Variants in INVS observed in about 807,000 individuals in gnomAD.
INVS encodes the protein inversin.
In INVS, 86 loss-of-function variants were observed where a neutral mutation model predicts 108.8. The observed-to-expected ratio is 0.79, with a 90% CI of 0.66 to 0.95. The LOEUF is 0.95. Ranked by LOEUF, INVS falls within the 40% of genes least tolerant of loss-of-function variation. The probability of loss-of-function intolerance (pLI) is 0.00; values close to 1 mark genes in which losing one functional copy is unlikely to be tolerated. For synonymous variants in INVS, 455 were observed against 473.5 expected (o/e 0.96, Z 0.51); for missense variants, 1,169 against 1,297.4 (o/e 0.90, Z 1.52).
intron 5 of INVS, among the ~76,000 whole-genome samples, chr9:100,238,768 T>G (rs915083963): frequency 3.3e-5 from 5 of 152,248 alleles, no homozygotes; most frequent in African/African-American, 1.2e-4. Flanking sequence ...ATGACATTTT[T>G]CACTTCTAAA....
intron 16 of INVS, 152 bp downstream of exon 16, chr9:100,298,162 T>G: frequency 6.5e-7 from 1 of 1,538,992 alleles, no homozygotes; most frequent in Non-Finnish European, 8.7e-7. Context: ...GTAGCCAACA[T>G]CTGTCTCCCT....
At chr9:100,296,846 G>C (rs1265242978) in intron 14 of INVS, 71 bp from the exon 15 acceptor site, 1 of 1,235,306 alleles carries the variant, frequency 8.1e-7, no homozygotes, top group Non-Finnish European at 1.2e-6. Flanking sequence ...ATAGCTTCTA[G>C]AAACCTTAAG....
intron 7 of INVS, among the ~76,000 whole-genome samples, chr9:100,246,050 G>A (rs1832035954): frequency 6.6e-6 from 1 of 151,886 alleles, no homozygotes; most frequent in Admixed American, 6.6e-5. Context: ...CTACTTGGGA[G>A]GCTGAGGCAG....
chr9:100,131,673 T>A (rs781104606), intron 3 of INVS, among the ~76,000 whole-genome samples: 6 of 152,186 alleles, frequency 3.9e-5, no homozygotes, highest in Non-Finnish European at 8.8e-5. Flanking sequence ...TATTAGTATA[T>A]GTTAATAGTT....
intron 1 of INVS, among the ~76,000 whole-genome samples, chr9:100,103,907 A>G (rs1827090834): frequency 6.6e-6 from 1 of 152,022 alleles, no homozygotes; most frequent in Non-Finnish European, 1.5e-5. Context: ...CTGACTTCAC[A>G]ATTGAGTTTA....
chr9:100,299,541 TTTTA>T (rs1833888803), intron 16 of INVS, among the ~76,000 whole-genome samples: 1 of 142,518 alleles, frequency 7.0e-6, no homozygotes, highest in African/African-American at 2.8e-5. Context: ...CAGCAGAGCC[TTTTA>T]TTGACACACA....
At chr9:100,173,914 C>G (rs954952409) in intron 3 of INVS, among the ~76,000 whole-genome samples, 1 of 152,232 alleles carries the variant, frequency 6.6e-6, no homozygotes, top group Non-Finnish European at 1.5e-5. Context: ...TAGCTGCTGC[C>G]TGCCTATGCA....
At chr9:100,244,606 G>T (rs1831985544) in intron 7 of INVS, among the ~76,000 whole-genome samples, 1 of 151,942 alleles carries the variant, frequency 6.6e-6, no homozygotes, top group Non-Finnish European at 1.5e-5. Flanking sequence ...ATATTTTGTT[G>T]GATAATCTGC....
chr9:100,292,427 A>G lies in INVS; in HGVS notation c.2170A>G (p.Lys724Glu), dbSNP rs1376912986. The G allele has an allele frequency of 6.2e-7, 1 of 1,614,036 alleles. No individual in the cohort carries two copies. Among genetic ancestry groups the G allele is most frequent in the African/African-American group, 1.3e-5 (1 of 74,904 alleles). ...SRHPGVPSVEKSRGETAGDER... is the reference protein window; with the variant it reads ...SRHPGVPSVEESRGETAGDER... ...GCATCCAGGAGTTCCCTCTGTTGAG[A>G]AGTCCAGAGGTGAGACAGCTGGCGA... Residue 724 changes from lysine (K) to glutamate (E), a missense_variant, in exon 14 of 17, where the codon AAG becomes GAG. By Grantham distance (56) the Lys-to-Glu change is moderately conservative. This residue lies in a region of INVS where 533 missense variants were observed against 536.0 expected (regional missense o/e 0.99). Coordinates refer to ENST00000262457, the MANE Select transcript of INVS (RefSeq NM_014425.5).
chr9:100,110,242 A>C (rs539807604), intron 2 of INVS, among the ~76,000 whole-genome samples: 3 of 152,342 alleles, frequency 2.0e-5, no homozygotes, highest in African/African-American at 7.2e-5. Context: ...TTGTTTGGCA[A>C]CTCATTAACT....
chr9:100,129,749 G>A, intron 3 of INVS: 1 of 688,934 alleles, frequency 1.5e-6, no homozygotes, highest in Non-Finnish European at 2.7e-6. Flanking sequence ...CGTAAAGTGA[G>A]TACCACATTC....
In INVS at chr9:100,152,777, T is replaced by A. The variant is rs547827406; in HGVS notation, c.273+26228T>A. Among the ~76,000 whole-genome samples, 11 of 152,310 alleles carry A rather than the reference T, an allele frequency of 7.2e-5. No individual in the cohort carries two copies. In the South Asian group the frequency reaches 2.3e-3, roughly 32 times the overall value. ...AATATAACTACTCATTTTCAGGCAA[T>A]TTATTAGACATATACTCATAGTTTA... On this transcript the variant is annotated intron_variant, in intron 3 of 16. Coordinates refer to ENST00000262457, the MANE Select transcript of INVS (RefSeq NM_014425.5).
chr9:100,267,019 TAAAAAAAAA>T (rs11415703), intron 11 of INVS, among the ~76,000 whole-genome samples: 1 of 93,124 alleles, frequency 1.1e-5, no homozygotes, highest in Non-Finnish European at 2.0e-5. Context: ...TTTGAAACTC[TAAAAAAAAA>T]AAAAAAAAAA....
At chr9:100,282,725 C>G (rs1391380480) in intron 12 of INVS, among the ~76,000 whole-genome samples, 2 of 152,170 alleles carry the variant, frequency 1.3e-5, no homozygotes, top group African/African-American at 4.8e-5. Context: ...AGAAGGCATG[C>G]TCATGTGTGA....
chr9:100,123,801 AGT>A (rs1827797852), intron 2 of INVS, among the ~76,000 whole-genome samples: 1 of 152,112 alleles, frequency 6.6e-6, no homozygotes, highest in Non-Finnish European at 1.5e-5. Context: ...TAACCATCCT[AGT>A]GTATGTGAAG....
At chr9:100,121,707 G>A (rs1184644738) in intron 2 of INVS, among the ~76,000 whole-genome samples, 1 of 150,866 alleles carries the variant, frequency 6.6e-6, no homozygotes, top group Non-Finnish European at 1.5e-5. Flanking sequence ...ATTGCTCTCT[G>A]TTCTTATTTT....
intron 3 of INVS, among the ~76,000 whole-genome samples, chr9:100,152,412 G>A (rs1828835798): frequency 6.6e-6 from 1 of 152,054 alleles, no homozygotes; most frequent in Non-Finnish European, 1.5e-5. Context: ...AATAGATACT[G>A]CTTATAGAAA....
At chr9:100,166,472 G>T (rs539148068) in intron 3 of INVS, among the ~76,000 whole-genome samples, 1 of 152,068 alleles carries the variant, frequency 6.6e-6, no homozygotes. Context: ...GCTGGGAGCC[G>T]TGCTCCCACC....
intron 10 of INVS, among the ~76,000 whole-genome samples, chr9:100,261,992 AT>A (rs989480122): frequency 6.0e-5 from 9 of 150,592 alleles, no homozygotes; most frequent in Admixed American, 5.3e-4. Flanking sequence ...TATCAACAAG[AT>A]TTTTTTTTCC....
Sources: gnomAD v4.1 joint callset for allele counts (sites outside exome capture counted in the v4.1 genomes callset) on GRCh38, gnomAD v4.1.1 for gene constraint, gnomAD v4.1.1 regional missense constraint, MANE v1.5 for transcripts, NCBI Gene and HGNC (gene_info 2026-07-23, HGNC 2026-07-21) for gene names.